The following NAV2 variants were observed in gnomAD, a reference collection of about 807,000 sequenced individuals.
NAV2 encodes the protein helicase, APC down-regulated 1.
A neutral mutation model predicts 223.2 loss-of-function variants in NAV2; 54 were observed. The ratio of observed to expected loss-of-function variants is 0.24; its 90% CI spans 0.19 to 0.30. The LOEUF (loss-of-function observed/expected upper bound fraction) is 0.30, where lower values mean the gene tolerates loss of function less well. NAV2 is among the 10% of genes least tolerant of loss of function. NAV2 has a pLI of 1.00. For synonymous variants in NAV2, 1,279 were observed against 1,239.3 expected (o/e 1.03, Z -0.67); for missense variants, 2,806 against 3,147.5 (o/e 0.89, Z 2.60).
chr11:20,113,485 C>T (rs1367417101), intron 36 of NAV2, among the ~76,000 whole-genome samples: 2 of 152,102 alleles, frequency 1.3e-5, no homozygotes, highest in African/African-American at 4.8e-5. Context: ...AGAAAAGGAG[C>T]TTGGAGGCAT....
intron 20 of NAV2, among the ~76,000 whole-genome samples, chr11:20,066,443 G>A (rs1004858763): frequency 4.6e-5 from 7 of 152,188 alleles, no homozygotes. Flanking sequence ...TAACGTCTCT[G>A]AACCTCAGAA....
chr11:20,106,554 CAAAA>C (rs34470765), intron 35 of NAV2, among the ~76,000 whole-genome samples: 1 of 94,914 alleles, frequency 1.1e-5, no homozygotes, highest in Non-Finnish European at 2.1e-5. Flanking sequence ...AGTGAGACTC[CAAAA>C]AAAAAAAAAA....
intron 4 of NAV2, among the ~76,000 whole-genome samples, chr11:19,875,530 G>A (rs1054321293): frequency 6.6e-6 from 1 of 152,210 alleles, no homozygotes; most frequent in Non-Finnish European, 1.5e-5. Flanking sequence ...ACCATCACAA[G>A]TTGGGGACCA....
At chr11:19,725,333 C>A (rs897280355) in intron 1 of NAV2, among the ~76,000 whole-genome samples, 1 of 152,182 alleles carries the variant, frequency 6.6e-6, no homozygotes, top group African/African-American at 2.4e-5. Flanking sequence ...AGTGCTGCCG[C>A]CCACTAAACC....
chr11:19,356,034 C>T (rs535745013), intron 1 of NAV2, among the ~76,000 whole-genome samples: 79 of 152,302 alleles, frequency 5.2e-4, no homozygotes, highest in Admixed American at 1.1e-3. Flanking sequence ...TGCTGCTGCT[C>T]CTTTGGAGCT....
intron 1 of NAV2, among the ~76,000 whole-genome samples, chr11:19,749,975 T>C (rs1195336734): frequency 1.3e-5 from 2 of 152,212 alleles, no homozygotes; most frequent in Non-Finnish European, 2.9e-5. Flanking sequence ...TGTTCTTGAC[T>C]CTTGAAAATT....
chr11:20,002,011 AAGGTCAGGATGCCGGCATGGTCG>A (rs1463949093), intron 11 of NAV2, among the ~76,000 whole-genome samples: 1 of 152,182 alleles, frequency 6.6e-6, no homozygotes, highest in Admixed American at 6.5e-5. Context: ...CTGGAAGTCC[AAGGTCAGGATGCCGGCATGGTCG>A]AGTTCTGATG....
At chr11:19,610,496 T>A (rs2046607299) in intron 1 of NAV2, among the ~76,000 whole-genome samples, 1 of 152,234 alleles carries the variant, frequency 6.6e-6, no homozygotes. Flanking sequence ...AGAAATCTCT[T>A]ACTGCTTTAT....
chr11:19,531,040 T>C (rs893758187), intron 1 of NAV2, among the ~76,000 whole-genome samples: 2 of 152,236 alleles, frequency 1.3e-5, no homozygotes, highest in Non-Finnish European at 2.9e-5. Flanking sequence ...TTTCAACAAA[T>C]ATTTATAATA....
chr11:19,852,956 C>A (rs928543521), intron 3 of NAV2, among the ~76,000 whole-genome samples: 1 of 152,198 alleles, frequency 6.6e-6, no homozygotes, highest in Non-Finnish European at 1.5e-5. Flanking sequence ...TCTTCTCTCA[C>A]AATTTTATAT....
At chr11:20,011,083 T>G (rs554803954) in intron 11 of NAV2, among the ~76,000 whole-genome samples, 64 of 152,320 alleles carry the variant, frequency 4.2e-4, no homozygotes, top group African/African-American at 1.5e-3. Context: ...GCAAATTCTT[T>G]CTTGCTGTTA....
intron 1 of NAV2, among the ~76,000 whole-genome samples, chr11:19,671,640 G>C (rs992173683): frequency 6.6e-6 from 1 of 152,304 alleles, no homozygotes; most frequent in East Asian, 1.9e-4. Context: ...TTAGAGCAGG[G>C]GTTGGCAAAT....
At chr11:19,548,263 A>C (rs1371797567) in intron 1 of NAV2, among the ~76,000 whole-genome samples, 1 of 152,252 alleles carries the variant, frequency 6.6e-6, no homozygotes. Flanking sequence ...CAAAGATGTG[A>C]GTAGTCAAAG....
At chr11:19,395,173 A>T (rs930730675) in intron 1 of NAV2, among the ~76,000 whole-genome samples, 1 of 152,188 alleles carries the variant, frequency 6.6e-6, no homozygotes, top group African/African-American at 2.4e-5. Context: ...GCCCATGTGC[A>T]CGTGTGAGGC....
chr11:19,797,840 A>G (rs543006320), intron 1 of NAV2, among the ~76,000 whole-genome samples: 1 of 152,244 alleles, frequency 6.6e-6, no homozygotes, highest in East Asian at 1.9e-4. Flanking sequence ...GGTGGTCCTG[A>G]GGACTCAATG....
chr11:19,623,984 A>G (rs1425702041), intron 1 of NAV2, among the ~76,000 whole-genome samples: 1 of 152,142 alleles, frequency 6.6e-6, no homozygotes, highest in Non-Finnish European at 1.5e-5. Flanking sequence ...TTTCCTTCTA[A>G]CAGTCAGGAC....
intron 14 of NAV2, among the ~76,000 whole-genome samples, chr11:20,048,363 A>T (rs1245318928): frequency 6.6e-6 from 1 of 152,178 alleles, no homozygotes; most frequent in Admixed American, 6.5e-5. Flanking sequence ...GATGAAGACA[A>T]CCATCTTCCT....
intron 1 of NAV2, among the ~76,000 whole-genome samples, chr11:19,750,491 C>T (rs2053717480): frequency 6.6e-6 from 1 of 152,172 alleles, no homozygotes; most frequent in Admixed American, 6.5e-5. Context: ...AACACATCTG[C>T]CACCTCTGTC....
At chr11:19,602,401 C>T (rs1401632334) in intron 1 of NAV2, among the ~76,000 whole-genome samples, 1 of 152,062 alleles carries the variant, frequency 6.6e-6, no homozygotes. Flanking sequence ...TGGTCTTGAG[C>T]TCCTGACCTC....
Sources: allele counts gnomAD v4.1 joint callset (sites outside exome capture counted in the v4.1 genomes callset), GRCh38; gene constraint gnomAD v4.1.1; transcripts MANE v1.5; gene names NCBI Gene and HGNC (gene_info 2026-07-23, HGNC 2026-07-21).